TLK2: variants seen among roughly 807,000 people sequenced by gnomAD.
The protein encoded by TLK2 is tousled like kinase 2, also known as serine/threonine-protein kinase tousled-like 2.
Under a neutral mutation model 117.3 loss-of-function variants are expected in TLK2, and 6 were observed. That is an observed-to-expected ratio of 0.05 (90% confidence interval 0.03 to 0.10). The LOEUF (loss-of-function observed/expected upper bound fraction) is 0.10. Among genes scored for constraint, TLK2 ranks in the 10% least tolerant of loss-of-function variants. TLK2 has a pLI of 1.00. For synonymous variants in TLK2, 257 were observed against 316.7 expected (o/e 0.81, Z 2.00); for missense variants, 299 against 901.2 (o/e 0.33, Z 8.56).
chr17:62,578,267 ACTTTT>A (rs1159557541), intron 13 of TLK2, among the ~76,000 whole-genome samples: 2 of 151,622 alleles, frequency 1.3e-5, no homozygotes, highest in African/African-American at 4.8e-5. Flanking sequence ...GGGAACTTTT[ACTTTT>A]CTTACTGAAC....
intron 2 of TLK2, among the ~76,000 whole-genome samples, chr17:62,495,675 T>TATG (rs1347082856): frequency 1.1e-5 from 1 of 89,662 alleles, no homozygotes; most frequent in Non-Finnish European, 2.6e-5. Flanking sequence ...ATATATATAT[T>TATG]GGAGACGGAG....
rs959625672 is a variant in TLK2 at position 62,612,855 on chromosome 17, C to G, written c.*290C>G. The G allele has an allele frequency of 4.0e-5, 9 of 222,456 alleles. No homozygotes were observed. The highest frequency in any genetic ancestry group is 2.1e-4 in the African/African-American group (9 of 43,882). The allele number at this position is 222,456 out of a possible 1,614,324, so 13.8% of individuals were successfully genotyped here. On this transcript the variant is annotated 3_prime_UTR_variant, in exon 22 of 22. Coordinates refer to ENST00000346027, the MANE Select transcript of TLK2 (RefSeq NM_006852.6). ...GTGAGGAAAAAATTAAAAAGAAAAA[C>G]TGGTTCCATGTACTGTGAACTTGAA...
At chr17:62,571,550 A>T (rs2080291730) in intron 11 of TLK2, among the ~76,000 whole-genome samples, 1 of 152,098 alleles carries the variant, frequency 6.6e-6, no homozygotes, top group South Asian at 2.1e-4. Context: ...TTTTCAGGCA[A>T]ACAGAAAACT....
intron 2 of TLK2, among the ~76,000 whole-genome samples, chr17:62,487,059 CGA>C (rs2144563323): frequency 6.6e-6 from 1 of 152,162 alleles, no homozygotes; most frequent in East Asian, 1.9e-4. Flanking sequence ...TTTGGGAGGC[CGA>C]GGCAGGCAGA....
intron 7 of TLK2, among the ~76,000 whole-genome samples, chr17:62,548,226 C>T (rs1398562325): frequency 1.0e-5 from 1 of 96,746 alleles, no homozygotes; most frequent in South Asian, 3.5e-4. Flanking sequence ...TATCATTGGG[C>T]CATATATATA....
At chr17:62,539,951 A>C (rs2077387306) in intron 7 of TLK2, among the ~76,000 whole-genome samples, 3 of 152,112 alleles carry the variant, frequency 2.0e-5, no homozygotes, top group African/African-American at 7.2e-5. Context: ...TCTAACAAAC[A>C]TGTCAAATGT....
chr17:62,597,565 A>G (rs2082571008), intron 17 of TLK2, among the ~76,000 whole-genome samples: 1 of 152,194 alleles, frequency 6.6e-6, no homozygotes, highest in South Asian at 2.1e-4. Flanking sequence ...ACCTTTTTAA[A>G]AAGTACTGGC....
chr17:62,602,229 C>G (rs773128731), intron 19 of TLK2, 49 bp downstream of exon 19: 15 of 1,587,892 alleles, frequency 9.4e-6, no homozygotes, highest in Non-Finnish European at 1.2e-5. Context: ...TGTGGCTCTG[C>G]TATGCTGAAG....
intron 2 of TLK2, chr17:62,516,533 G>A (rs1248780047): frequency 6.2e-7 from 1 of 1,608,932 alleles, no homozygotes; most frequent in East Asian, 2.2e-5. Context: ...TAATCACGGA[G>A]ATACTGGATA....
At chr17:62,501,840 G>A (rs547368857) in intron 2 of TLK2, among the ~76,000 whole-genome samples, 7 of 152,050 alleles carry the variant, frequency 4.6e-5, no homozygotes, top group Middle Eastern at 3.4e-3. Context: ...GGTGGTGCAC[G>A]CCTGTGGTCC....
intron 2 of TLK2, among the ~76,000 whole-genome samples, chr17:62,487,167 C>G (rs778211020): frequency 3.3e-5 from 5 of 152,026 alleles, no homozygotes; most frequent in Non-Finnish European, 7.4e-5. Flanking sequence ...TGGCATGTGC[C>G]TGTAATCCCA....
intron 2 of TLK2, among the ~76,000 whole-genome samples, chr17:62,483,156 A>T (rs2071890294): frequency 6.6e-6 from 1 of 152,190 alleles, no homozygotes; most frequent in East Asian, 1.9e-4. Flanking sequence ...ATTGAGCATA[A>T]GGCTAATGTC....
chr17:62,511,486 T>C (rs1567821204), intron 2 of TLK2, among the ~76,000 whole-genome samples: 1 of 152,182 alleles, frequency 6.6e-6, no homozygotes, highest in Non-Finnish European at 1.5e-5. Flanking sequence ...TCCTCCCATC[T>C]CAGCCTCCAG....
chr17:62,519,403 G>A (rs2075870099), intron 2 of TLK2, among the ~76,000 whole-genome samples: 1 of 152,194 alleles, frequency 6.6e-6, no homozygotes, highest in African/African-American at 2.4e-5. Context: ...GTACTGTACT[G>A]TCTTGATTAC....
chr17:62,517,494 A>C (rs181330316), intron 2 of TLK2, among the ~76,000 whole-genome samples: 344 of 152,032 alleles, frequency 2.3e-3, no homozygotes, highest in African/African-American at 7.9e-3. Flanking sequence ...TTCCGGGTTC[A>C]CGCCATTCTT....
At chr17:62,526,085 A>G (rs1290507993) in intron 6 of TLK2, among the ~76,000 whole-genome samples, 1 of 152,216 alleles carries the variant, frequency 6.6e-6, no homozygotes, top group South Asian at 2.1e-4. Context: ...TGATCTGTAG[A>G]CATTTTTGCC....
intron 2 of TLK2, among the ~76,000 whole-genome samples, chr17:62,482,204 C>T (rs2071741943): frequency 6.6e-6 from 1 of 152,072 alleles, no homozygotes; most frequent in Non-Finnish European, 1.5e-5. Flanking sequence ...CTGCCTCAGC[C>T]TCCCAAAGTG....
intron 6 of TLK2, among the ~76,000 whole-genome samples, chr17:62,534,847 A>ACTCTTCAT (rs2076997636): frequency 7.7e-6 from 1 of 129,204 alleles, no homozygotes; most frequent in Non-Finnish European, 1.7e-5. Flanking sequence ...TGAAAAACAT[A>ACTCTTCAT]CTCTTCATTG....
At chr17:62,495,863 C>G (rs1464667016) in intron 2 of TLK2, among the ~76,000 whole-genome samples, 1 of 151,556 alleles carries the variant, frequency 6.6e-6, no homozygotes, top group Admixed American at 6.6e-5. Context: ...GGGGTTTCAC[C>G]ATGTTGCCCA....
Sources: allele counts gnomAD v4.1 joint callset (sites outside exome capture counted in the v4.1 genomes callset), GRCh38; gene constraint gnomAD v4.1.1; transcripts MANE v1.5; gene names NCBI Gene and HGNC (gene_info 2026-07-23, HGNC 2026-07-21).